The following ADAMTS19 variants were observed in gnomAD, a reference collection of about 807,000 sequenced individuals.
The protein encoded by ADAMTS19 is ADAM metallopeptidase with thrombospondin type 1 motif 19, also known as A disintegrin and metalloproteinase with thrombospondin motifs 19.
ADAMTS19 carries 93 observed loss-of-function variants against 153.3 expected under a neutral mutation model. That is an observed-to-expected ratio of 0.61 (90% CI 0.51 to 0.72). The LOEUF (loss-of-function observed/expected upper bound fraction) is 0.72, where lower values mean the gene tolerates loss of function less well. Among genes scored for constraint, ADAMTS19 ranks in the 30% least tolerant of loss-of-function variants. The pLI is 0.00. For synonymous variants in ADAMTS19, 600 were observed against 556.6 expected, an observed-to-expected ratio of 1.08 and a Z score of -1.10; for missense variants, 1,482 against 1,552.1, an observed-to-expected ratio of 0.95 and a Z score of 0.76.
chr5:129,515,073 A>G (rs1384292017), intron 3 of ADAMTS19, among the ~76,000 whole-genome samples: 1 of 151,904 alleles, frequency 6.6e-6, no homozygotes, highest in Non-Finnish European at 1.5e-5. Context: ...TGTTCTTGGC[A>G]CCTTTTTCAA....
chr5:129,644,213 T>C (rs1037765383), intron 11 of ADAMTS19, among the ~76,000 whole-genome samples: 2 of 152,240 alleles, frequency 1.3e-5, no homozygotes, highest in Non-Finnish European at 2.9e-5. Flanking sequence ...ATGCTTTGTA[T>C]ATTGAAATAA....
At chr5:129,634,164 C>T (rs897566346) in intron 10 of ADAMTS19, among the ~76,000 whole-genome samples, 6 of 152,056 alleles carry the variant, frequency 3.9e-5, no homozygotes, top group African/African-American at 1.2e-4. Flanking sequence ...AGTGTGCCTG[C>T]TGAAAGCAAT....
chr5:129,577,755 C>T (rs1749222714), intron 7 of ADAMTS19, among the ~76,000 whole-genome samples: 1 of 151,926 alleles, frequency 6.6e-6, no homozygotes, highest in South Asian at 2.1e-4. Flanking sequence ...ACTGATTTGA[C>T]AAATTGTAAA....
chr5:129,497,661 C>T (rs117640248), intron 2 of ADAMTS19, among the ~76,000 whole-genome samples: 4 of 152,226 alleles, frequency 2.6e-5, no homozygotes, highest in East Asian at 1.9e-4. Context: ...GAGTAATCCT[C>T]AATTCTTCTG....
At position 129,527,817 on chromosome 5, in the gene ADAMTS19, C is replaced by G; in HGVS notation, c.1156C>G (p.Leu386Val). The G allele has an allele frequency of 6.3e-7, 1 of 1,584,232 alleles. No homozygotes were observed. The highest frequency in any genetic ancestry group is 1.1e-5 in the South Asian group (1 of 87,774). The change falls in exon 5 of 23, where the codon CTC (leucine) becomes GTC (valine). Residue 386 changes from leucine (L) to valine (V), a missense_variant. By Grantham distance (32) the Leu-to-Val change is conservative. Transcript: ENST00000274487. ...VNLRVIKLILLHETPPELYIG... is the reference protein window; with the variant it reads ...VNLRVIKLILVHETPPELYIG... Reference sequence around the variant, plus strand: ...TCTTCGTGTGATAAAGCTTATTCTGCTCCATGAAACTCCAGTAAGAAAGTC... The same window carrying G: ...TCTTCGTGTGATAAAGCTTATTCTGGTCCATGAAACTCCAGTAAGAAAGTC...
In ADAMTS19 at chr5:129,667,070, G is replaced by A. The variant is rs997589712; in HGVS notation, c.2506+1491G>A. On this transcript the variant is annotated intron_variant, in intron 16 of 22. Coordinates refer to ENST00000274487, the MANE Select transcript of ADAMTS19 (RefSeq NM_133638.6). ...GTCCTGTTTCCTGTCTCCCTCTACAGTAAACGCCTTTTATAAGGTCAGCAA... is the reference window on the plus strand; with the variant it reads ...GTCCTGTTTCCTGTCTCCCTCTACAATAAACGCCTTTTATAAGGTCAGCAA... Among the ~76,000 whole-genome samples the A allele has an allele frequency of 2.0e-5, 3 of 152,108 alleles. No individual in the cohort carries two copies. The East Asian group carries it at 5.8e-4, about 29-fold the overall frequency.
At chr5:129,550,713 CT>C (rs1554092566) in intron 6 of ADAMTS19, among the ~76,000 whole-genome samples, 2 of 150,946 alleles carry the variant, frequency 1.3e-5, no homozygotes, top group South Asian at 2.1e-4. Context: ...AATTTTAAGT[CT>C]TTTTTTTATC....
At chr5:129,465,037 A>G (rs979633966) in intron 2 of ADAMTS19, among the ~76,000 whole-genome samples, 8 of 152,122 alleles carry the variant, frequency 5.3e-5, no homozygotes, top group African/African-American at 1.4e-4. Flanking sequence ...CCAGTTACCA[A>G]TGAAAACAGG....
chr5:129,505,169 G>C (rs1034348632), intron 2 of ADAMTS19, among the ~76,000 whole-genome samples: 1 of 152,108 alleles, frequency 6.6e-6, no homozygotes, highest in African/African-American at 2.4e-5. Flanking sequence ...CCTTAAGCCA[G>C]TTCAGTGAAA....
chr5:129,610,605 C>T (rs949465387), intron 8 of ADAMTS19, among the ~76,000 whole-genome samples: 2 of 152,168 alleles, frequency 1.3e-5, no homozygotes, highest in African/African-American at 4.8e-5. Flanking sequence ...CATGTCCCCA[C>T]AAAGGACATG....
At chr5:129,713,303 C>G (rs1756565092) in intron 21 of ADAMTS19, among the ~76,000 whole-genome samples, 1 of 152,096 alleles carries the variant, frequency 6.6e-6, no homozygotes, top group Non-Finnish European at 1.5e-5. Context: ...GTGTATTTTA[C>G]TTAGATATGG....
chr5:129,493,753 A>T (rs1395435377), intron 2 of ADAMTS19, among the ~76,000 whole-genome samples: 2 of 152,166 alleles, frequency 1.3e-5, no homozygotes, highest in Non-Finnish European at 2.9e-5. Context: ...TCAATGAAGA[A>T]ATCAGTATCA....
At chr5:129,646,976 A>T (rs1218609456) in intron 11 of ADAMTS19, among the ~76,000 whole-genome samples, 1 of 152,134 alleles carries the variant, frequency 6.6e-6, no homozygotes, top group Admixed American at 6.5e-5. Flanking sequence ...TTCCTGGGTG[A>T]CCATCAGCAA....
chr5:129,489,667 A>T (rs1750706042), intron 2 of ADAMTS19, among the ~76,000 whole-genome samples: 1 of 152,156 alleles, frequency 6.6e-6, no homozygotes, highest in African/African-American at 2.4e-5. Context: ...ATGTGTGAAA[A>T]TGAAAGGCCA....
chr5:129,677,395 T>G (rs1754597354), intron 16 of ADAMTS19, among the ~76,000 whole-genome samples: 1 of 151,644 alleles, frequency 6.6e-6, no homozygotes, highest in African/African-American at 2.4e-5. Context: ...GGGAATTGCT[T>G]GAATCTGGGA....
In ADAMTS19 at chr5:129,737,113, C is replaced by T. The variant is rs753897249; in HGVS notation, c.3537C>T (p.Cys1179=). 2 of 1,610,638 alleles carry T rather than the reference C, an allele frequency of 1.2e-6. No homozygotes were observed. Among genetic ancestry groups the T allele is most frequent in the Non-Finnish European group, 1.7e-6 (2 of 1,177,782 alleles). The part of the protein sequence containing the change: ...KCLGDQWPVY[C]RVIREKNLCQ... ...TGGGAGATCAGTGGCCAGTGTACTGCCGAGTGATACGTGAAAAGAACCTAT... is the reference window on the plus strand; with the variant it reads ...TGGGAGATCAGTGGCCAGTGTACTGTCGAGTGATACGTGAAAAGAACCTAT... Residue 1179 remains cysteine, a synonymous_variant, in exon 23 of 23, where the codon TGC becomes TGT. Transcript: ENST00000274487.
chr5:129,704,355 A>G lies in ADAMTS19; in HGVS notation c.3276A>G (p.Ser1092=), dbSNP rs776646475. ...PREAEDCEDY[S]KCYVWRMGDW... is the part of the protein sequence containing the mutation. ...AGGCTGAAGACTGTGAGGATTATTC[A>G]AAATGCTATGTGTGGCGAATGGGTG... Residue 1092 remains serine, a synonymous_variant, in exon 21 of 23, where the codon TCA becomes TCG. Coordinates refer to ENST00000274487, the MANE Select transcript of ADAMTS19 (RefSeq NM_133638.6). 4 of 1,614,106 alleles carry G rather than the reference A, an allele frequency of 2.5e-6. No individual in the cohort carries two copies. The highest frequency in any genetic ancestry group is 3.3e-5 in the Admixed American group (2 of 60,012).
At chr5:129,711,902 A>C (rs868273901) in intron 21 of ADAMTS19, among the ~76,000 whole-genome samples, 1 of 152,086 alleles carries the variant, frequency 6.6e-6, no homozygotes, top group Non-Finnish European at 1.5e-5. Context: ...TTTATACCAA[A>C]GATCGCTTTT....
intron 2 of ADAMTS19, among the ~76,000 whole-genome samples, chr5:129,507,383 T>A (rs945702436): frequency 1.3e-5 from 2 of 151,952 alleles, no homozygotes; most frequent in South Asian, 2.1e-4. Context: ...TGGCTATTAT[T>A]TAATAATTTT....
Sources: allele counts gnomAD v4.1 joint callset (sites outside exome capture counted in the v4.1 genomes callset), GRCh38; gene constraint gnomAD v4.1.1; transcripts MANE v1.5; gene names NCBI Gene and HGNC (gene_info 2026-07-23, HGNC 2026-07-21).